Variants in ENTPD7 observed in about 807,000 individuals in gnomAD.
ENTPD7 encodes the protein NTPDase 7.
Under a neutral mutation model 77.9 loss-of-function variants are expected in ENTPD7, and 53 were observed. The ratio of observed to expected loss-of-function variants is 0.68; its 90% CI spans 0.55 to 0.85. ENTPD7 has a LOEUF of 0.85. ENTPD7 is among the 40% of genes least tolerant of loss of function. The pLI is 0.00. For missense variants in ENTPD7, 636 were observed against 743.7 expected, an observed-to-expected ratio of 0.86 and a Z score of 1.68; for synonymous variants, 248 against 274.9, an observed-to-expected ratio of 0.90 and a Z score of 0.97.
In ENTPD7 at chr10:99,685,673, A is replaced by G. The variant is rs1160348973; in HGVS notation, c.549-119A>G. 2.8e-5 allele frequency: 19 copies of G among 675,270 alleles called. No individual in the cohort carries two copies. In the East Asian group the frequency reaches 4.9e-4, roughly 17 times the overall value. 41.8% of individuals were successfully genotyped at this position (675,270 alleles called of 1,614,324 possible). On this transcript the variant is annotated intron_variant, in intron 5 of 12. Transcript: ENST00000370489. ...TACCAAAAAGAAGCAGGGCTGGACA[A>G]GTAGATGAGGTAGGTGAACAGTGAG...
chr10:99,687,611 C>G (rs1172367144), intron 6 of ENTPD7, among the ~76,000 whole-genome samples: 1 of 152,134 alleles, frequency 6.6e-6, no homozygotes, highest in Non-Finnish European at 1.5e-5. Context: ...TTGGATTTGT[C>G]CTGTGTATCA....
chr10:99,677,159 A>G (rs556822574), intron 3 of ENTPD7, among the ~76,000 whole-genome samples: 7 of 152,216 alleles, frequency 4.6e-5, no homozygotes, highest in African/African-American at 1.7e-4. Context: ...TGTGAAGCTA[A>G]TGATCCCTAT....
intron 5 of ENTPD7, 52 bp from the exon 6 acceptor site, chr10:99,685,739 TA>T (rs2035802970): frequency 7.4e-7 from 1 of 1,343,246 alleles, no homozygotes; most frequent in African/African-American, 1.4e-5. Flanking sequence ...TGAGGCAGTT[TA>T]TGAGAAGAGA....
intron 7 of ENTPD7, among the ~76,000 whole-genome samples, chr10:99,690,567 C>T (rs1417161651): frequency 1.4e-5 from 2 of 138,246 alleles, no homozygotes; most frequent in African/African-American, 5.5e-5. Flanking sequence ...TTTTTTGAGA[C>T]AGTCTTGCTC....
At chr10:99,685,705 A>G (rs2035802751) in intron 5 of ENTPD7, 87 bp from the exon 6 acceptor site, 2 of 912,346 alleles carry the variant, frequency 2.2e-6, no homozygotes, top group African/African-American at 3.2e-5. Context: ...TGAGGTCATG[A>G]CAAGGCTAAG....
In ENTPD7 at chr10:99,679,425, G is replaced by GAGACCGCAAC; in HGVS notation, c.359_368dup (p.Ser123ArgfsTer9). Reference sequence around the variant, plus strand: ...GACTTGCTGGACATCAAACAGATGAGAGACCGCAACAGCCAACCAGTGGTT... The same window carrying GAGACCGCAAC: ...GACTTGCTGGACATCAAACAGATGAGAGACCGCAACAGACCGCAACAGCCAACCAGTGGTT... On this transcript the variant is annotated frameshift_variant, in exon 4 of 13. Coordinates refer to ENST00000370489, the MANE Select transcript of ENTPD7 (RefSeq NM_020354.5). LOFTEE classifies it high-confidence loss of function. 6.2e-7 allele frequency: 1 copy of GAGACCGCAAC among 1,614,106 alleles called. No individual in the cohort carries two copies. The highest frequency in any genetic ancestry group is 8.5e-7 in the Non-Finnish European group (1 of 1,180,024).
At position 99,710,976 on chromosome 10, in the gene ENTPD7, G is replaced by A. The variant is rs1451326305; in HGVS notation, c.*6293G>A. ...GAAATCTATTTAATCCTATAGGTATGTGATGACTTGTTTTTTTGGAAAAAG... is the reference window on the plus strand; with the variant it reads ...GAAATCTATTTAATCCTATAGGTATATGATGACTTGTTTTTTTGGAAAAAG... On this transcript the variant is annotated 3_prime_UTR_variant, in exon 13 of 13. Transcript: ENST00000370489. The A allele has an allele frequency of 1.0e-6, 1 of 985,128 alleles. No homozygotes were observed. The highest frequency in any genetic ancestry group is 1.2e-6 in the Non-Finnish European group (1 of 829,802). 61.0% of individuals were successfully genotyped at this position (985,128 alleles called of 1,614,324 possible). A position where few individuals can be genotyped will look rare whatever the true frequency, so the allele number is the denominator to read the frequency against.
rs2036303727 is a variant in ENTPD7, at chr10:99,708,907, A to T, written c.*4224A>T. 1.0e-6 allele frequency: 1 copy of T among 985,318 alleles called. No homozygotes were observed. The highest frequency in any genetic ancestry group is 4.7e-5 in the South Asian group (1 of 21,294). 61.0% of individuals were successfully genotyped at this position (985,318 alleles called of 1,614,324 possible). ...AAACAGAATCTATTTTTTATAAAAC[A>T]GCTGGCCACAACTAACCATGCCCCA... On this transcript the variant is annotated 3_prime_UTR_variant, in exon 13 of 13. Transcript: ENST00000370489.
intron 10 of ENTPD7, among the ~76,000 whole-genome samples, chr10:99,699,245 T>C (rs988912148): frequency 2.0e-5 from 3 of 152,234 alleles, no homozygotes; most frequent in Non-Finnish European, 2.9e-5. Context: ...CTTTTGGAGA[T>C]GATATCACCC....
rs576740904 is a variant in ENTPD7 at position 99,659,757 on chromosome 10, G to T, written c.-95-105G>T. On this transcript the variant is annotated intron_variant, in intron 1 of 12. Transcript: ENST00000370489. This position sits in a 1 kb window ranked among gnomAD's most constrained non-coding sequence, Gnocchi z 4.1. ...GGTCCCCTGGGCCTGAGGAACCAGA[G>T]CAGACGGAGCGGGAGCCTGGGGAGG... 6 of 663,518 alleles carry T rather than the reference G, an allele frequency of 9.0e-6. No homozygotes were observed. The South Asian group carries it at 1.2e-4, about 13-fold the overall frequency. 41.1% of individuals were successfully genotyped at this position (663,518 alleles called of 1,614,324 possible).
In ENTPD7 at chr10:99,707,605, C is replaced by T. The variant is rs1362070820; in HGVS notation, c.*2922C>T. On this transcript the variant is annotated 3_prime_UTR_variant, in exon 13 of 13. Transcript: ENST00000370489. ...CACTGGTTCCTTTGAATCTTACCAA[C>T]CACTCTTGTTAACAGAGACAATGAA... 6.6e-6 allele frequency among the ~76,000 whole-genome samples: 1 copy of T among 152,164 alleles called. No individual in the cohort carries two copies. Among genetic ancestry groups the T allele is most frequent in the Non-Finnish European group, 1.5e-5 (1 of 68,024 alleles).
intron 3 of ENTPD7, among the ~76,000 whole-genome samples, chr10:99,675,403 T>C (rs1320754850): frequency 6.6e-6 from 1 of 152,072 alleles, no homozygotes; most frequent in Non-Finnish European, 1.5e-5. Context: ...GAACCAATTA[T>C]TTTCCAATAG....
At position 99,704,952 on chromosome 10, in the gene ENTPD7, C is replaced by G. The variant is rs771423703; in HGVS notation, c.*269C>G. 3.1e-5 allele frequency: 15 copies of G among 477,376 alleles called. 1 individual carries two copies. The highest frequency in any genetic ancestry group is 4.6e-5 in the Non-Finnish European group (12 of 261,678). The allele number at this position is 477,376 out of a possible 1,614,324, so 29.6% of individuals were successfully genotyped here. On this transcript the variant is annotated 3_prime_UTR_variant, in exon 13 of 13. Transcript: ENST00000370489. ...TGTCCAAGTGAAGCAGGCTTCGACT[C>G]CTTCTGAGAGGTCTGGTGTGTTCCT...
intron 3 of ENTPD7, among the ~76,000 whole-genome samples, chr10:99,662,109 G>A (rs2133434576): frequency 6.6e-6 from 1 of 152,216 alleles, no homozygotes; most frequent in Middle Eastern, 3.4e-3. Context: ...GTTTGGTTGG[G>A]TCTTGTTTTT....
In ENTPD7 at chr10:99,698,668, G is replaced by C; in HGVS notation, c.1145G>C (p.Cys382Ser). Residue 382 changes from cysteine (C) to serine (S), a missense_variant, in exon 10 of 13, where the codon TGT (cysteine) becomes TCT (serine). By Grantham distance (112) the Cys-to-Ser change is moderately radical. Coordinates refer to ENST00000370489, the MANE Select transcript of ENTPD7 (RefSeq NM_020354.5). ...CGAGGAAGAGGAGACTGGGTGTCTT[G>C]TGGGGCAATGCTGAGCCCCCTGCTG... The part of the protein sequence containing the change: ...HVRGRGDWVS[C>S]GAMLSPLLAR... 3.1e-6 allele frequency: 5 copies of C among 1,614,196 alleles called. No homozygotes were observed. Among genetic ancestry groups the C allele is most frequent in the Non-Finnish European group, 4.2e-6 (5 of 1,180,038 alleles).
Position 99,709,156 on chromosome 10 carries a change from A to G in ENTPD7, c.*4473A>G. ...GCAATTCATTAGATGACTACAGCCT[A>G]GATGAAGGTATAAATGCCTATTACA... On this transcript the variant is annotated 3_prime_UTR_variant, in exon 13 of 13. Transcript: ENST00000370489. 1 of 985,094 alleles carries G rather than the reference A, an allele frequency of 1.0e-6. No homozygotes were observed. Among genetic ancestry groups the G allele is most frequent in the Non-Finnish European group, 1.2e-6 (1 of 829,608 alleles). The allele number at this position is 985,094 out of a possible 1,614,324, so 61.0% of individuals were successfully genotyped here.
At position 99,691,454 on chromosome 10, in the gene ENTPD7, G is replaced by C; in HGVS notation, c.779G>C (p.Gly260Ala). The change falls in exon 8 of 13, where the codon GGA becomes GCA. Residue 260 changes from glycine to alanine, a missense_variant. Gly to Ala is a moderately conservative substitution (Grantham distance 60). Transcript: ENST00000370489. ...RRRTVGILDMGGASLQIAYEV... is the reference protein window; with the variant it reads ...RRRTVGILDMAGASLQIAYEV... The stretch of plus-strand genomic sequence containing the variant: ...AGGACAGTAGGGATACTGGATATGG[G>C]AGGAGCCTCTCTCCAAATTGCTTAT... 2 of 1,614,100 alleles carry C rather than the reference G, an allele frequency of 1.2e-6. No individual in the cohort carries two copies. The highest frequency in any genetic ancestry group is 1.7e-6 in the Non-Finnish European group (2 of 1,179,988).
intron 3 of ENTPD7, among the ~76,000 whole-genome samples, chr10:99,673,954 A>G (rs1430975250): frequency 1.3e-5 from 2 of 152,236 alleles, no homozygotes; most frequent in Non-Finnish European, 2.9e-5. Flanking sequence ...CTTATGGTCT[A>G]AACAGGTAGA....
chr10:99,666,014 T>G (rs1371604908), intron 3 of ENTPD7, among the ~76,000 whole-genome samples: 1 of 152,200 alleles, frequency 6.6e-6, no homozygotes, highest in Non-Finnish European at 1.5e-5. Context: ...GAAGACGACA[T>G]GGTCTAATTA....
Sources: gnomAD v4.1 joint callset for allele counts (sites outside exome capture counted in the v4.1 genomes callset) on GRCh38, gnomAD v4.1.1 for gene constraint, Gnocchi (gnomAD v3.1) non-coding constraint, MANE v1.5 for transcripts, NCBI Gene and HGNC (gene_info 2026-07-23, HGNC 2026-07-21) for gene names.